Variants in AGBL1 observed in about 807,000 individuals in gnomAD.
AGBL1 encodes the protein AGBL carboxypeptidase 1, also known as cytosolic carboxypeptidase 4.
In AGBL1, 130 loss-of-function variants were observed where a neutral mutation model predicts 118.9. The observed-to-expected ratio is 1.09, with a 90% CI of 0.95 to 1.26. AGBL1 has a LOEUF of 1.26. AGBL1 is among the 50% of genes most tolerant of loss of function. The pLI is 0.00. For synonymous variants in AGBL1, 555 were observed against 478.9 expected, an observed-to-expected ratio of 1.16 and a Z score of -2.08; for missense variants, 1,584 against 1,298.1, an observed-to-expected ratio of 1.22 and a Z score of -3.38.
intron 21 of AGBL1, among the ~76,000 whole-genome samples, chr15:86,608,614 T>G (rs1402206950): frequency 6.6e-6 from 1 of 152,094 alleles, no homozygotes; most frequent in East Asian, 1.9e-4. Context: ...TACGACATGA[T>G]GCTGAGCTGC....
Position 86,554,511 on chromosome 15 carries a change from T to G in AGBL1, c.2968T>G (p.Cys990Gly). ...AAGCTACACCATGGAAAGCAGCTAC[T>G]GTGGCTGCAACCAGGGCCCTTATCA... ...SRSYTMESSY[C>G]GCNQGPYQGL... Residue 990 changes from cysteine (C) to glycine (G), a missense_variant, in exon 21 of 23, where the codon TGT becomes GGT. Transcript: ENST00000614907. 6.4e-7 allele frequency: 1 copy of G among 1,556,782 alleles called. No individual in the cohort carries two copies. Among genetic ancestry groups the G allele is most frequent in the South Asian group, 1.2e-5 (1 of 82,026 alleles).
At chr15:86,729,332 G>A (rs2077498575) in intron 22 of AGBL1, among the ~76,000 whole-genome samples, 1 of 152,126 alleles carries the variant, frequency 6.6e-6, no homozygotes, top group South Asian at 2.1e-4. Flanking sequence ...GGTTTGTTAT[G>A]TGTATAAATT....
chr15:86,580,120 G>C (rs2142329818), intron 21 of AGBL1, among the ~76,000 whole-genome samples: 1 of 152,318 alleles, frequency 6.6e-6, no homozygotes, highest in South Asian at 2.1e-4. Context: ...ATTAATGGAA[G>C]AGAATGTGAA....
chr15:86,508,732 A>G (rs2083014829), intron 18 of AGBL1, among the ~76,000 whole-genome samples: 1 of 152,168 alleles, frequency 6.6e-6, no homozygotes, highest in Non-Finnish European at 1.5e-5. Context: ...CATGATGATG[A>G]GTATTGAAGC....
chr15:86,739,694 C>T (rs2077650584), intron 22 of AGBL1, among the ~76,000 whole-genome samples: 1 of 152,026 alleles, frequency 6.6e-6, no homozygotes, highest in Non-Finnish European at 1.5e-5. Flanking sequence ...TTGGAAAGTA[C>T]AGGAAATGGC....
At chr15:86,510,595 T>G (rs1879189864) in intron 18 of AGBL1, among the ~76,000 whole-genome samples, 1 of 152,138 alleles carries the variant, frequency 6.6e-6, no homozygotes. Flanking sequence ...AATGTCTATT[T>G]TTCTTAATGT....
intron 18 of AGBL1, among the ~76,000 whole-genome samples, chr15:86,515,169 T>A (rs1177656348): frequency 7.9e-5 from 12 of 152,226 alleles, no homozygotes; most frequent in Admixed American, 7.9e-4. Flanking sequence ...TCTTCTTTAC[T>A]GATTTGCATG....
Position 86,518,359 on chromosome 15 carries a change from G to A in AGBL1, c.2556-4451G>A, listed in dbSNP as rs968912821. 9.9e-5 allele frequency among the ~76,000 whole-genome samples: 15 copies of A among 152,020 alleles called. No individual in the cohort carries two copies. The South Asian group carries it at 1.5e-3, about 15-fold the overall frequency. On this transcript the variant is annotated intron_variant, in intron 18 of 22. Transcript: ENST00000614907. The stretch of plus-strand genomic sequence containing the variant: ...ATTAATGTTAAAAGAATTATTTTTC[G>A]TGGCATCATTGTCCTTTAGACTGTC...
intron 6 of AGBL1, among the ~76,000 whole-genome samples, chr15:86,244,674 C>G (rs962208258): frequency 6.6e-6 from 1 of 151,988 alleles, no homozygotes; most frequent in East Asian, 1.9e-4. Context: ...TTTCTCCCCC[C>G]ACCAAAAAAG....
intron 18 of AGBL1, among the ~76,000 whole-genome samples, chr15:86,461,905 G>T (rs139982729): frequency 4.6e-5 from 7 of 152,160 alleles, no homozygotes; most frequent in Middle Eastern, 3.4e-3. Flanking sequence ...GGTGGCAATC[G>T]CATCAAGGTG....
chr15:86,954,633 C>T (rs958926530), intron 23 of AGBL1, among the ~76,000 whole-genome samples: 5 of 152,012 alleles, frequency 3.3e-5, no homozygotes, highest in South Asian at 2.1e-4. Flanking sequence ...GGAACATAGA[C>T]GCTGTGGACT....
At chr15:86,584,123 A>G (rs1012933317) in intron 21 of AGBL1, among the ~76,000 whole-genome samples, 1 of 152,102 alleles carries the variant, frequency 6.6e-6, no homozygotes, top group Non-Finnish European at 1.5e-5. Context: ...ACTTTTTGCC[A>G]TTCCCTAGGT....
At chr15:86,693,427 T>A (rs1296255709) in intron 22 of AGBL1, among the ~76,000 whole-genome samples, 2 of 152,168 alleles carry the variant, frequency 1.3e-5, no homozygotes, top group Non-Finnish European at 2.9e-5. Context: ...TTCATATCCT[T>A]AGCCCACTTT....
At chr15:86,485,870 T>C (rs926038828) in intron 18 of AGBL1, among the ~76,000 whole-genome samples, 1 of 152,118 alleles carries the variant, frequency 6.6e-6, no homozygotes, top group Admixed American at 6.6e-5. Context: ...GTTTAAACTT[T>C]GAAATCACAC....
chr15:86,674,582 C>T (rs766474803), intron 22 of AGBL1, 146 bp downstream of exon 22: 93 of 788,992 alleles, frequency 1.2e-4, no homozygotes, highest in East Asian at 3.8e-4. Context: ...TACACTATCT[C>T]GTTTCCTACT....
intron 19 of AGBL1, among the ~76,000 whole-genome samples, chr15:86,539,805 A>G (rs2083470234): frequency 6.6e-6 from 1 of 152,170 alleles, no homozygotes; most frequent in Non-Finnish European, 1.5e-5. Flanking sequence ...CTTGGAGTGC[A>G]ATGTGAATGC....
intron 22 of AGBL1, among the ~76,000 whole-genome samples, chr15:86,793,600 A>C (rs1041709165): frequency 2.6e-5 from 4 of 152,332 alleles, no homozygotes; most frequent in Non-Finnish European, 2.9e-5. Context: ...CAAGTGACAA[A>C]AGAAAACAGA....
intron 22 of AGBL1, among the ~76,000 whole-genome samples, chr15:86,871,495 C>T (rs767248620): frequency 6.6e-6 from 1 of 152,154 alleles, no homozygotes; most frequent in Non-Finnish European, 1.5e-5. Context: ...CCCACATGCT[C>T]TTTGGCAAAA....
At chr15:86,955,251 G>C (rs936234376) in intron 23 of AGBL1, among the ~76,000 whole-genome samples, 2 of 151,960 alleles carry the variant, frequency 1.3e-5, no homozygotes, top group Non-Finnish European at 2.9e-5. Flanking sequence ...TCATTGTAAT[G>C]AAATTTTTTT....
Sources: allele counts gnomAD v4.1 joint callset (sites outside exome capture counted in the v4.1 genomes callset), GRCh38; gene constraint gnomAD v4.1.1; transcripts MANE v1.5; gene names NCBI Gene and HGNC (gene_info 2026-07-23, HGNC 2026-07-21).